MKRN2OS: variants seen among roughly 807,000 people sequenced by gnomAD.
MKRN2OS encodes MKRN2 opposite strand protein.
Under a neutral mutation model 18.2 loss-of-function variants are expected in MKRN2OS, and 17 were observed. The ratio of observed to expected loss-of-function variants is 0.93; its 90% confidence interval spans 0.64 to 1.40. The LOEUF (loss-of-function observed/expected upper bound fraction) is 1.40, where lower values mean the gene tolerates loss of function less well. Among genes scored for constraint, MKRN2OS ranks in the 40% most tolerant of loss-of-function variants. The probability of loss-of-function intolerance (pLI) is 0.00; values close to 1 mark genes in which losing one functional copy is unlikely to be tolerated. For synonymous variants in MKRN2OS, 121 were observed against 108.5 expected, an observed-to-expected ratio of 1.12 and a Z score of -0.72; for missense variants, 337 against 283.0, an observed-to-expected ratio of 1.19 and a Z score of -1.37.
chr3:12,546,069 C>T (rs990563717), upstream of MKRN2OS, among the ~76,000 whole-genome samples: 3 of 152,096 alleles, frequency 2.0e-5, no homozygotes, highest in East Asian at 1.9e-4. Flanking sequence ...TGGAATTACA[C>T]GCATGAGCCA....
chr3:12,544,297 C>A (rs1243422956), intron 1 of MKRN2OS, among the ~76,000 whole-genome samples: 1 of 152,086 alleles, frequency 6.6e-6, no homozygotes, highest in African/African-American at 2.4e-5. Flanking sequence ...AAGCATACAC[C>A]AACATTCTAT....
At chr3:12,551,765 G>A (rs916748066), downstream of MKRN2OS, among the ~76,000 whole-genome samples, 2 of 151,656 alleles carry the variant, frequency 1.3e-5, no homozygotes, top group African/African-American at 2.4e-5. Flanking sequence ...GTGAAACCCC[G>A]TCTCTACTAA....
chr3:12,547,165 G>A (rs1393531659), upstream of MKRN2OS, among the ~76,000 whole-genome samples: 1 of 152,064 alleles, frequency 6.6e-6, no homozygotes, highest in Non-Finnish European at 1.5e-5. Context: ...TGGAAAAAAA[G>A]TAATGCCCCT....
Position 12,556,993 on chromosome 3 carries a change from C to T in MKRN2OS, n.265-2859G>A, listed in dbSNP as rs991683104. 5.0e-5 allele frequency: 40 copies of T among 806,750 alleles called. No individual in the cohort carries two copies. In the African/African-American group the frequency reaches 6.3e-4, roughly 13 times the overall value. 50.0% of individuals were successfully genotyped at this position (806,750 alleles called of 1,614,324 possible). Reference sequence around the variant, plus strand: ...CCAATTGTGACGACGGCTAGGTTACCCGCCGGCGCTACAAAGGTGCCACAC... The same window carrying T: ...CCAATTGTGACGACGGCTAGGTTACTCGCCGGCGCTACAAAGGTGCCACAC... On this transcript the variant is annotated intron_variant and non_coding_transcript_variant, in intron 1 of 1. Transcript: ENST00000447550.
At position 12,545,363 on chromosome 3, in the gene MKRN2OS, C is replaced by T; in HGVS notation, c.102G>A (p.Gln34=). The T allele has an allele frequency of 6.5e-7, 1 of 1,536,082 alleles. No homozygotes were observed. The highest frequency in any genetic ancestry group is 1.4e-5 in the African/African-American group (1 of 73,164). Residue 34 remains glutamine (Q), a synonymous_variant, in exon 1 of 4, where the codon CAG becomes CAA. Transcript: ENST00000564146. ...CCTCCAGCTTCCTCGAGCCCAGGTCCTGCTGGCAGAGAGGGCAGCACTGGG... is the reference window on the plus strand; with the variant it reads ...CCTCCAGCTTCCTCGAGCCCAGGTCTTGCTGGCAGAGAGGGCAGCACTGGG... ...SVPQCCPLCQ[Q]DLGSRKLEDA... is the part of the protein sequence containing the mutation.
chr3:12,546,393 G>A (rs999391598), upstream of MKRN2OS, among the ~76,000 whole-genome samples: 3 of 151,986 alleles, frequency 2.0e-5, no homozygotes, highest in African/African-American at 4.8e-5. Context: ...GTGGTTTCTC[G>A]GGTCCAGGGC....
intron 1 of MKRN2OS, among the ~76,000 whole-genome samples, chr3:12,559,556 T>C (rs563274073): frequency 1.3e-5 from 2 of 152,364 alleles, no homozygotes; most frequent in African/African-American, 4.8e-5. Flanking sequence ...GCTTCCAATC[T>C]GTTAGATATT....
chr3:12,545,509 C>G (rs565543548), upstream of MKRN2OS: 3 of 1,408,038 alleles, frequency 2.1e-6, no homozygotes, highest in East Asian at 7.5e-5. Flanking sequence ...CGGAGACTTC[C>G]TTTTCCTCAT....
chr3:12,540,666 G>C (rs2125286006), intron 3 of MKRN2OS, among the ~76,000 whole-genome samples: 1 of 152,188 alleles, frequency 6.6e-6, no homozygotes, highest in East Asian at 1.9e-4. Flanking sequence ...TTGAGGTCAA[G>C]AGTTCGAAAC....
chr3:12,550,857 C>T (rs561670896), downstream of MKRN2OS, among the ~76,000 whole-genome samples: 1 of 152,234 alleles, frequency 6.6e-6, no homozygotes, highest in African/African-American at 2.4e-5. Context: ...CAGATAACTT[C>T]CTCTACTAAC....
chr3:12,547,973 A>T (rs1290301192), upstream of MKRN2OS, among the ~76,000 whole-genome samples: 1 of 151,614 alleles, frequency 6.6e-6, no homozygotes, highest in Non-Finnish European at 1.5e-5. Context: ...CTAGACACTC[A>T]GCTCAGGTGA....
rs555495138 is a variant in MKRN2OS, at chr3:12,539,856, A to G, written c.*337T>C. 2.7e-5 allele frequency: 8 copies of G among 295,244 alleles called. No homozygotes were observed. The South Asian group carries it at 2.9e-4, about 11-fold the overall frequency. 18.3% of individuals were successfully genotyped at this position (295,244 alleles called of 1,614,324 possible). On this transcript the variant is annotated 3_prime_UTR_variant, in exon 4 of 4. Coordinates refer to ENST00000564146, the MANE Select transcript of MKRN2OS (RefSeq NM_001195279.2). ...GCTGGAGTGCAATGGCACGATCTCA[A>G]CTCATCCCAACCTCCGCCTCCCGGG...
At chr3:12,550,575 G>A (rs1173494722), downstream of MKRN2OS, among the ~76,000 whole-genome samples, 2 of 152,130 alleles carry the variant, frequency 1.3e-5, no homozygotes, top group African/African-American at 4.8e-5. Context: ...ACCTAGCCAG[G>A]CACTTGTCCT....
chr3:12,543,665 C>A (rs949766082), intron 1 of MKRN2OS, among the ~76,000 whole-genome samples: 1 of 151,928 alleles, frequency 6.6e-6, no homozygotes, highest in Non-Finnish European at 1.5e-5. Context: ...GTGGGAGGAT[C>A]TTTTGAGGCC....
At chr3:12,552,255 T>C (rs923944614), downstream of MKRN2OS, among the ~76,000 whole-genome samples, 1 of 151,106 alleles carries the variant, frequency 6.6e-6, no homozygotes, top group African/African-American at 2.4e-5. Context: ...GAGGCGGAGG[T>C]TGCAGTGAGC....
At chr3:12,558,693 T>C (rs2058006759) in intron 1 of MKRN2OS, among the ~76,000 whole-genome samples, 1 of 152,232 alleles carries the variant, frequency 6.6e-6, no homozygotes, top group East Asian at 1.9e-4. Context: ...GGTTTTTTCC[T>C]TGTATACCTG....
chr3:12,545,447 A>T lies in MKRN2OS; in HGVS notation c.18T>A (p.Ala6=). The change falls in exon 1 of 4, where the codon GCT becomes GCA. Residue 6 remains alanine, a synonymous_variant. Transcript: ENST00000564146. ...GGTTGAATTTAATTAAAGCCTTCCC[A>T]GCCTCTGCGCAGTGCATAGCTTTCG... The part of the protein sequence containing the change: MHCAE[A]GKALIKFNHC... The T allele has an allele frequency of 2.0e-6, 3 of 1,533,720 alleles. No homozygotes were observed. Among genetic ancestry groups the T allele is most frequent in the Non-Finnish European group, 2.6e-6 (3 of 1,146,060 alleles).
intron 1 of MKRN2OS, among the ~76,000 whole-genome samples, chr3:12,543,806 C>T (rs2057848943): frequency 1.3e-5 from 2 of 148,890 alleles, no homozygotes; most frequent in East Asian, 2.0e-4. Flanking sequence ...ACACGAGAAT[C>T]GCTTGAACCT....
upstream of MKRN2OS, among the ~76,000 whole-genome samples, chr3:12,550,144 C>T (rs1268107744): frequency 1.3e-5 from 2 of 152,172 alleles, no homozygotes; most frequent in African/African-American, 4.8e-5. Context: ...TGCACATAGA[C>T]GTTTACAGCA....
Sources: gnomAD v4.1 joint callset for allele counts (sites outside exome capture counted in the v4.1 genomes callset) on GRCh38, gnomAD v4.1.1 for gene constraint, MANE v1.5 for transcripts, NCBI Gene and HGNC (gene_info 2026-07-23, HGNC 2026-07-21) for gene names.